POLR3B: variants seen among roughly 807,000 people sequenced by gnomAD.
POLR3B encodes DNA-directed RNA polymerase III subunit RPC2.
Under a neutral mutation model 147.4 loss-of-function variants are expected in POLR3B, and 96 were observed. That is an observed-to-expected ratio of 0.65 (90% CI 0.55 to 0.77). The LOEUF (loss-of-function observed/expected upper bound fraction) is 0.77. Among genes scored for constraint, POLR3B ranks in the 30% least tolerant of loss-of-function variants. The pLI is 0.00. For missense variants in POLR3B, 1,036 were observed against 1,413.5 expected, an observed-to-expected ratio of 0.73 and a Z score of 4.28; for synonymous variants, 461 against 485.9, an observed-to-expected ratio of 0.95 and a Z score of 0.67.
At chr12:106,358,726 G>T (rs2036424767) in intron 1 of POLR3B, among the ~76,000 whole-genome samples, 1 of 152,206 alleles carries the variant, frequency 6.6e-6, no homozygotes, top group Admixed American at 6.5e-5. Flanking sequence ...AAGACCATTG[G>T]ATGTTTTTGA....
In POLR3B at chr12:106,376,377, T is replaced by C. The variant is rs886048896; in HGVS notation, c.423T>C (p.Arg141=). The change falls in exon 7 of 28, where the codon CGT becomes CGC. Residue 141 remains arginine (R), a synonymous_variant. Transcript: ENST00000228347. Reference sequence around the variant, plus strand: ...TATACAGAATGCCCATAATGCTACGTAGTTCAAACTGTGTTCTTACAGGAA... The same window carrying C: ...TATACAGAATGCCCATAATGCTACGCAGTTCAAACTGTGTTCTTACAGGAA... ...LPIGRMPIML[R]SSNCVLTGKT... 5.6e-6 allele frequency: 9 copies of C among 1,611,780 alleles called. No individual in the cohort carries two copies. The highest frequency in any genetic ancestry group is 1.7e-5 in the Admixed American group (1 of 60,004).
chr12:106,437,666 C>T lies in POLR3B; in HGVS notation c.1857-15C>T. On this transcript the variant is annotated splice_polypyrimidine_tract_variant and intron_variant, in intron 17 of 27. Transcript: ENST00000228347. ...ATGCTTTTTAATGATGTCTCTTTCA[C>T]CAATATTTTCCCAGGAATTTTGAAG... is the stretch of plus-strand genomic sequence containing the variant. 1 of 1,438,664 alleles carries T rather than the reference C, an allele frequency of 7.0e-7. No homozygotes were observed. Among genetic ancestry groups the T allele is most frequent in the Non-Finnish European group, 9.8e-7 (1 of 1,020,554 alleles). The allele number at this position is 1,438,664 out of a possible 1,614,324, so 89.1% of individuals were successfully genotyped here.
chr12:106,476,128 C>A (rs1488137888), intron 23 of POLR3B, among the ~76,000 whole-genome samples: 6 of 130,444 alleles, frequency 4.6e-5, no homozygotes, highest in African/African-American at 1.8e-4. Flanking sequence ...ACTTATGAAG[C>A]TTAGTTTGGC....
chr12:106,477,621 G>A (rs1028302627), intron 23 of POLR3B, among the ~76,000 whole-genome samples: 3 of 152,108 alleles, frequency 2.0e-5, no homozygotes, highest in Non-Finnish European at 2.9e-5. Flanking sequence ...GGAGTGACCC[G>A]ATTGTCCAGG....
chr12:106,390,414 A>G (rs2036899089), intron 9 of POLR3B, among the ~76,000 whole-genome samples: 1 of 152,168 alleles, frequency 6.6e-6, no homozygotes, highest in Non-Finnish European at 1.5e-5. Context: ...GAGAAAGTGT[A>G]GATGATTTTA....
chr12:106,509,170 C>CATGCAAGTTGATG (rs2038735879), intron 27 of POLR3B, among the ~76,000 whole-genome samples: 3 of 152,206 alleles, frequency 2.0e-5, no homozygotes, highest in Non-Finnish European at 4.4e-5. Flanking sequence ...GTGGTAACAA[C>CATGCAAGTTGATG]TGACTCAACT....
chr12:106,372,523 T>A (rs1195165199), intron 6 of POLR3B, among the ~76,000 whole-genome samples: 2 of 151,930 alleles, frequency 1.3e-5, no homozygotes, highest in East Asian at 3.9e-4. Context: ...TTATTTTTAG[T>A]AGGGACAGGG....
chr12:106,402,053 C>G (rs2037076274), intron 10 of POLR3B, among the ~76,000 whole-genome samples: 1 of 151,906 alleles, frequency 6.6e-6, no homozygotes, highest in African/African-American at 2.4e-5. Flanking sequence ...GATTGTATAT[C>G]TAGAAAACCC....
intron 6 of POLR3B, among the ~76,000 whole-genome samples, chr12:106,374,659 C>T (rs529378307): frequency 9.9e-5 from 15 of 152,010 alleles, no homozygotes; most frequent in African/African-American, 3.1e-4. Context: ...GGACTATAGG[C>T]GCACGCCACC....
chr12:106,422,478 A>C (rs928183432), intron 12 of POLR3B, among the ~76,000 whole-genome samples: 4 of 152,202 alleles, frequency 2.6e-5, no homozygotes, highest in Non-Finnish European at 5.9e-5. Context: ...TCTTTATAGC[A>C]ATGCAAGAGC....
intron 10 of POLR3B, among the ~76,000 whole-genome samples, chr12:106,404,434 GTGT>G (rs2037122651): frequency 6.6e-6 from 1 of 152,208 alleles, no homozygotes; most frequent in East Asian, 1.9e-4. Flanking sequence ...ATAATATCTG[GTGT>G]TGTTAGTCTT....
At chr12:106,394,839 G>A (rs147818499) in intron 10 of POLR3B, among the ~76,000 whole-genome samples, 75 of 152,326 alleles carry the variant, frequency 4.9e-4, no homozygotes, top group African/African-American at 1.7e-3. Context: ...TACTCTGTGT[G>A]CAGGATTAAG....
At chr12:106,478,835 C>T (rs971865303) in intron 23 of POLR3B, among the ~76,000 whole-genome samples, 9 of 152,074 alleles carry the variant, frequency 5.9e-5, no homozygotes, top group Non-Finnish European at 1.0e-4. Context: ...CTCCTCCTCA[C>T]CCAACTTTGG....
intron 23 of POLR3B, among the ~76,000 whole-genome samples, chr12:106,480,803 G>A (rs1012652622): frequency 7.9e-5 from 12 of 152,148 alleles, no homozygotes; most frequent in Admixed American, 5.2e-4. Flanking sequence ...CAACCCTTGC[G>A]GGGCTTGTGT....
At chr12:106,458,230 TC>T (rs1248101560) in intron 21 of POLR3B, among the ~76,000 whole-genome samples, 1 of 152,088 alleles carries the variant, frequency 6.6e-6, no homozygotes, top group East Asian at 1.9e-4. Context: ...CAAGTGATTC[TC>T]CCACTTCAAC....
chr12:106,368,513 G>C (rs1308221835), intron 4 of POLR3B, among the ~76,000 whole-genome samples: 2 of 151,782 alleles, frequency 1.3e-5, no homozygotes, highest in African/African-American at 4.8e-5. Context: ...TGAGAAATCT[G>C]GCTCCCATTA....
chr12:106,480,511 T>G (rs1011129079), intron 23 of POLR3B, among the ~76,000 whole-genome samples: 1 of 152,110 alleles, frequency 6.6e-6, no homozygotes, highest in African/African-American at 2.4e-5. Context: ...AGCTTACTCT[T>G]CAGTGCATAG....
intron 10 of POLR3B, among the ~76,000 whole-genome samples, chr12:106,398,304 G>A (rs1024927451): frequency 3.9e-5 from 6 of 152,226 alleles, no homozygotes; most frequent in African/African-American, 7.2e-5. Context: ...CACCATTGCC[G>A]AGACTTGATT....
chr12:106,430,493 T>G lies in POLR3B; in HGVS notation c.1464+20T>G, dbSNP rs780550289. 6.3e-7 allele frequency: 1 copy of G among 1,598,990 alleles called. No homozygotes were observed. The highest frequency in any genetic ancestry group is 1.7e-5 in the Admixed American group (1 of 59,958). ...GGAGAGGTAAGGAATCTGAGGAGTCTTGATGCTGTGTAAGAGGCGATACCT... is the reference window on the plus strand; with the variant it reads ...GGAGAGGTAAGGAATCTGAGGAGTCGTGATGCTGTGTAAGAGGCGATACCT... On this transcript the variant is annotated intron_variant, in intron 14 of 27. Transcript: ENST00000228347.
Sources: allele counts gnomAD v4.1 joint callset (sites outside exome capture counted in the v4.1 genomes callset), GRCh38; gene constraint gnomAD v4.1.1; transcripts MANE v1.5; gene names NCBI Gene and HGNC (gene_info 2026-07-23, HGNC 2026-07-21).